RORA: variants seen among roughly 807,000 people sequenced by gnomAD.
RORA encodes RAR related orphan receptor A, also known as nuclear receptor ROR-alpha.
In RORA, 7 loss-of-function variants were observed where a neutral mutation model predicts 69.5. That is an observed-to-expected ratio of 0.10 (90% confidence interval 0.06 to 0.19). The LOEUF (loss-of-function observed/expected upper bound fraction) is 0.19, where lower values mean the gene tolerates loss of function less well. Among genes scored for constraint, RORA ranks in the 10% least tolerant of loss-of-function variants. The pLI is 1.00. For synonymous variants in RORA, 261 were observed against 240.8 expected, an observed-to-expected ratio of 1.08 and a Z score of -0.78; for missense variants, 457 against 663.0, an observed-to-expected ratio of 0.69 and a Z score of 3.41.
At chr15:60,998,012 A>T (rs1894615154) in intron 1 of RORA, among the ~76,000 whole-genome samples, 1 of 152,232 alleles carries the variant, frequency 6.6e-6, no homozygotes, top group African/African-American at 2.4e-5. Context: ...AAGATGGGTG[A>T]TTTAATGCCC....
At chr15:60,649,545 A>G (rs2070108929) in intron 2 of RORA, among the ~76,000 whole-genome samples, 2 of 152,200 alleles carry the variant, frequency 1.3e-5, no homozygotes, top group African/African-American at 4.8e-5. Context: ...GTTGCTAATC[A>G]GTCCAATATC....
In RORA at chr15:61,139,093, A is replaced by G. The variant is rs60974704; in HGVS notation, c.166+89960T>C. 7.8e-3 allele frequency among the ~76,000 whole-genome samples: 1,179 copies of G among 152,124 alleles called. 6 individuals are homozygous for G. The highest frequency in any genetic ancestry group is 0.023 in the African/African-American group (942 of 41,498). ...CAGGAGGCGGAGCTTGCAGTGAGCCAAGATCGCGCCACTGCACTCCAGCCT... is the reference window on the plus strand; with the variant it reads ...CAGGAGGCGGAGCTTGCAGTGAGCCGAGATCGCGCCACTGCACTCCAGCCT... On this transcript the variant is annotated intron_variant, in intron 1 of 10. Coordinates refer to ENST00000335670, the MANE Select transcript of RORA (RefSeq NM_134261.3).
chr15:61,069,868 T>C (rs899399231), intron 1 of RORA, among the ~76,000 whole-genome samples: 3 of 152,196 alleles, frequency 2.0e-5, no homozygotes, highest in African/African-American at 7.2e-5. Context: ...CAACTGGCTA[T>C]AATTAGAAAA....
chr15:60,810,167 T>G (rs2072721561), intron 1 of RORA, among the ~76,000 whole-genome samples: 3 of 152,026 alleles, frequency 2.0e-5, no homozygotes, highest in Admixed American at 6.6e-5. Flanking sequence ...AAGCTAACAT[T>G]TTGGAGACCA....
intron 1 of RORA, among the ~76,000 whole-genome samples, chr15:61,024,526 T>C (rs1056286829): frequency 6.0e-5 from 9 of 151,174 alleles, no homozygotes; most frequent in Admixed American, 4.6e-4. Flanking sequence ...TCTTGGTTCA[T>C]TGTAACCTCC....
At chr15:61,026,823 T>G (rs1895840844) in intron 1 of RORA, among the ~76,000 whole-genome samples, 1 of 152,138 alleles carries the variant, frequency 6.6e-6, no homozygotes, top group Non-Finnish European at 1.5e-5. Context: ...CTGGGAGAAG[T>G]TGCTAGGTGG....
At chr15:60,670,492 G>A (rs1053033224) in intron 2 of RORA, among the ~76,000 whole-genome samples, 4 of 152,118 alleles carry the variant, frequency 2.6e-5, no homozygotes, top group African/African-American at 7.2e-5. Flanking sequence ...TTACAAGCGT[G>A]AGCCACCATG....
At chr15:60,904,255 G>A (rs1039103868) in intron 1 of RORA, among the ~76,000 whole-genome samples, 7 of 152,178 alleles carry the variant, frequency 4.6e-5, no homozygotes, top group African/African-American at 1.7e-4. Context: ...GTCCTGGCTG[G>A]AAGAGAGCTG....
At chr15:61,120,780 T>C (rs909085849) in intron 1 of RORA, among the ~76,000 whole-genome samples, 1 of 151,410 alleles carries the variant, frequency 6.6e-6, no homozygotes, top group African/African-American at 2.4e-5. Flanking sequence ...GATTCCACTA[T>C]ATACTACGGA....
chr15:60,635,609 A>G (rs1454858618), intron 2 of RORA, among the ~76,000 whole-genome samples: 2 of 152,208 alleles, frequency 1.3e-5, no homozygotes, highest in Non-Finnish European at 2.9e-5. Flanking sequence ...ATGGAACTCC[A>G]AGATGTAAAG....
intron 1 of RORA, among the ~76,000 whole-genome samples, chr15:61,004,869 C>T (rs985854385): frequency 6.6e-6 from 1 of 152,082 alleles, no homozygotes; most frequent in Non-Finnish European, 1.5e-5. Context: ...AAAACTTATC[C>T]AATTAGCAAA....
chr15:60,522,448 G>C (rs533320241), intron 3 of RORA, among the ~76,000 whole-genome samples: 1 of 152,180 alleles, frequency 6.6e-6, no homozygotes, highest in South Asian at 2.1e-4. Flanking sequence ...AGTGGCTCAT[G>C]CCTGTAATCC....
chr15:61,067,374 G>C (rs2078278224), intron 1 of RORA, among the ~76,000 whole-genome samples: 1 of 152,072 alleles, frequency 6.6e-6, no homozygotes, highest in Admixed American at 6.5e-5. Context: ...AAAGTGCTGG[G>C]ATTACAGGTG....
chr15:61,074,964 G>C (rs1201731248), intron 1 of RORA, among the ~76,000 whole-genome samples: 1 of 151,850 alleles, frequency 6.6e-6, no homozygotes, highest in Non-Finnish European at 1.5e-5. Context: ...GTGCACACCT[G>C]TAATACCAGC....
chr15:60,623,595 T>C (rs996292286), intron 2 of RORA, among the ~76,000 whole-genome samples: 2 of 152,104 alleles, frequency 1.3e-5, no homozygotes, highest in African/African-American at 4.8e-5. Flanking sequence ...ATGGTGGAAT[T>C]GGATATAAGC....
chr15:61,173,958 G>A (rs1209591540), intron 1 of RORA, among the ~76,000 whole-genome samples: 3 of 152,220 alleles, frequency 2.0e-5, no homozygotes, highest in Non-Finnish European at 4.4e-5. Context: ...GAATCAGCAG[G>A]TGAGGGGCCT....
intron 1 of RORA, among the ~76,000 whole-genome samples, chr15:60,769,137 T>A (rs1253174245): frequency 6.6e-6 from 1 of 152,166 alleles, no homozygotes; most frequent in African/African-American, 2.4e-5. Flanking sequence ...TTTCCCTTAA[T>A]AACAGGTTCT....
intron 1 of RORA, among the ~76,000 whole-genome samples, chr15:61,126,994 C>T (rs920901419): frequency 6.6e-6 from 1 of 152,248 alleles, no homozygotes; most frequent in East Asian, 1.9e-4. Context: ...TCATTTGGAG[C>T]CTCATCCTTC....
At chr15:61,139,105 C>T (rs187101071) in intron 1 of RORA, among the ~76,000 whole-genome samples, 1 of 151,494 alleles carries the variant, frequency 6.6e-6, no homozygotes, top group Admixed American at 6.6e-5. Flanking sequence ...GATCGCGCCA[C>T]TGCACTCCAG....
Sources: gnomAD v4.1 joint callset for allele counts (sites outside exome capture counted in the v4.1 genomes callset) on GRCh38, gnomAD v4.1.1 for gene constraint, MANE v1.5 for transcripts, NCBI Gene and HGNC (gene_info 2026-07-23, HGNC 2026-07-21) for gene names.